JHY: variants seen among roughly 807,000 people sequenced by gnomAD.
The protein encoded by JHY is jhy protein homolog.
A neutral mutation model predicts 78.0 loss-of-function variants in JHY; 69 were observed. That is an observed-to-expected ratio of 0.88 (90% CI 0.73 to 1.08). JHY has a LOEUF of 1.08. Ranked by LOEUF, JHY falls within the 50% of genes least tolerant of loss-of-function variation. The pLI, the probability that JHY is intolerant of heterozygous loss-of-function variation, is 0.00. For missense variants in JHY, 944 were observed against 927.8 expected (o/e 1.02, Z -0.23); for synonymous variants, 368 against 342.6 (o/e 1.07, Z -0.82).
intron 3 of JHY, among the ~76,000 whole-genome samples, chr11:122,908,023 T>G (rs1471865377): frequency 6.6e-6 from 1 of 152,090 alleles, no homozygotes; most frequent in Non-Finnish European, 1.5e-5. Flanking sequence ...GGTTTCACAT[T>G]GGAATCAACT....
intron 3 of JHY, among the ~76,000 whole-genome samples, chr11:122,922,624 C>T (rs1213473573): frequency 2.0e-5 from 3 of 151,808 alleles, no homozygotes; most frequent in Admixed American, 1.3e-4. Flanking sequence ...TCCTGGCTAA[C>T]ACGGTGAAAC....
chr11:122,919,536 C>G (rs939442314), intron 3 of JHY, among the ~76,000 whole-genome samples: 1 of 152,006 alleles, frequency 6.6e-6, no homozygotes. Context: ...TAGACAGGAA[C>G]CCGAGGCCAC....
At position 122,935,327 on chromosome 11, in the gene JHY, C is replaced by T. The variant is rs1185812242; in HGVS notation, c.1634+252C>T. On this transcript the variant is annotated intron_variant, in intron 5 of 8. Transcript: ENST00000227349. The surrounding 1 kb of genome is among the most constrained non-coding windows in gnomAD (Gnocchi z 4.5). ...TTGGCTCATTGCAACCTCCGCCTCC[C>T]GAGCTCAAGCAATTCTCCTGGCCCA... Among the ~76,000 whole-genome samples the T allele has an allele frequency of 4.6e-5, 7 of 151,840 alleles. No homozygotes were observed. Among genetic ancestry groups the T allele is most frequent in the East Asian group, 1.9e-4 (1 of 5,176 alleles).
chr11:122,897,395 TTTTGC>T (rs1173299050), intron 2 of JHY, among the ~76,000 whole-genome samples: 2 of 151,758 alleles, frequency 1.3e-5, no homozygotes, highest in African/African-American at 4.8e-5. Flanking sequence ...GGCTGATTGG[TTTTGC>T]TTTGTTTTTT....
intron 8 of JHY, chr11:122,958,916 G>A: frequency 1.0e-6 from 1 of 984,918 alleles, no homozygotes; most frequent in Non-Finnish European, 1.2e-6. Flanking sequence ...ATAGAAGTTT[G>A]GTTTTACTAA....
At chr11:122,915,481 T>C (rs374315391) in intron 3 of JHY, among the ~76,000 whole-genome samples, 7 of 152,098 alleles carry the variant, frequency 4.6e-5, no homozygotes, top group African/African-American at 1.7e-4. Context: ...ACTCATTCTT[T>C]AAAATGAAAA....
rs1565319640 is a variant in JHY at position 122,917,876 on chromosome 11, A to AAAAGCAAAGTACAGAGTACTAAGGCCAT, written c.865-7021_865-7020insAAAGCAAAGTACAGAGTACTAAGGCCAT. ...TCTTAAAAATGGCCATTATTCATTT[A>AAAAGCAAAGTACAGAGTACTAAGGCCAT]GCATATATTTATTTATTTTATTTTA... On this transcript the variant is annotated intron_variant, in intron 3 of 8. Transcript: ENST00000227349. The surrounding 1 kb of genome is among the most constrained non-coding windows in gnomAD (Gnocchi z 4.1). 6.6e-6 allele frequency among the ~76,000 whole-genome samples: 1 copy of AAAAGCAAAGTACAGAGTACTAAGGCCAT among 151,778 alleles called. No homozygotes were observed. Among genetic ancestry groups the AAAAGCAAAGTACAGAGTACTAAGGCCAT allele is most frequent in the African/African-American group, 2.4e-5 (1 of 41,126 alleles).
intron 5 of JHY, among the ~76,000 whole-genome samples, chr11:122,939,143 A>G (rs951668099): frequency 2.0e-5 from 3 of 151,710 alleles, no homozygotes; most frequent in Non-Finnish European, 4.4e-5. Flanking sequence ...GCCCATCACC[A>G]CGCCTGGCTA....
chr11:122,934,691 T>C lies in JHY; in HGVS notation c.1250T>C (p.Met417Thr). ...TSTKPESIVI[M>T]HASNNDVQAS... is the part of the protein sequence containing the mutation. ...ACAAAGCCTGAATCGATTGTGATTA[T>C]GCATGCCTCTAACAATGATGTACAA... Residue 417 changes from methionine to threonine, a missense_variant, in exon 5 of 9, where the codon ATG (methionine) becomes ACG (threonine). Physicochemically the swap from Met to Thr is moderately conservative, Grantham distance 81. Coordinates refer to ENST00000227349, the MANE Select transcript of JHY (RefSeq NM_024806.4). 1 of 1,614,170 alleles carries C rather than the reference T, an allele frequency of 6.2e-7. No homozygotes were observed.
chr11:122,897,473 C>T (rs1055512801), intron 2 of JHY, among the ~76,000 whole-genome samples: 1 of 152,166 alleles, frequency 6.6e-6, no homozygotes, highest in South Asian at 2.1e-4. Flanking sequence ...CTCAAGTGAG[C>T]CCCTTGCCTG....
intron 4 of JHY, among the ~76,000 whole-genome samples, chr11:122,932,816 C>A (rs988047988): frequency 1.3e-5 from 2 of 152,160 alleles, no homozygotes; most frequent in African/African-American, 4.8e-5. Flanking sequence ...TTTCCCCATG[C>A]AGCTCAATTT....
intron 3 of JHY, among the ~76,000 whole-genome samples, chr11:122,914,676 C>T (rs751470055): frequency 6.6e-6 from 1 of 152,032 alleles, no homozygotes; most frequent in Non-Finnish European, 1.5e-5. Flanking sequence ...AACTCCTGAC[C>T]TCATGATCTG....
intron 3 of JHY, among the ~76,000 whole-genome samples, chr11:122,914,428 TG>T (rs1282150282): frequency 6.6e-6 from 1 of 151,906 alleles, no homozygotes; most frequent in Non-Finnish European, 1.5e-5. Flanking sequence ...GTTTTTGTTT[TG>T]TTTTGTTTTT....
chr11:122,924,779 A>T, intron 3 of JHY, 118 bp from the exon 4 acceptor site: 1 of 701,880 alleles, frequency 1.4e-6, no homozygotes, highest in Non-Finnish European at 2.5e-6. Context: ...CCTTGAAATT[A>T]ACTGAAAATA....
rs192650586 is a variant in JHY at position 122,932,489 on chromosome 11, A to G, written c.979-1931A>G. On this transcript the variant is annotated intron_variant, in intron 4 of 8. Transcript: ENST00000227349. ...CCCAAGAAATTTCTGAGAAGTAAGT[A>G]TTTTCTTTTTTGGTGAAAATTAAGA... is the stretch of plus-strand genomic sequence containing the variant. Among the ~76,000 whole-genome samples the G allele has an allele frequency of 3.5e-4, 54 of 152,262 alleles. No individual in the cohort carries two copies. The Middle Eastern group carries it at 0.017, about 48-fold the overall frequency.
rs1208425658 is a variant in JHY, at chr11:122,935,649, T to A, written c.1634+574T>A. Among the ~76,000 whole-genome samples, 1 of 152,132 alleles carries A rather than the reference T, an allele frequency of 6.6e-6. No individual in the cohort carries two copies. The highest frequency in any genetic ancestry group is 1.5e-5 in the Non-Finnish European group (1 of 68,028). ...GACAGAGGGACCCAGTCAAAAAACATCAGTGTGTTTGGGGGTTGCAAGTAA... is the reference window on the plus strand; with the variant it reads ...GACAGAGGGACCCAGTCAAAAAACAACAGTGTGTTTGGGGGTTGCAAGTAA... On this transcript the variant is annotated intron_variant, in intron 5 of 8. Transcript: ENST00000227349. The surrounding 1 kb of genome is among the most constrained non-coding windows in gnomAD (Gnocchi z 4.5).
At position 122,934,511 on chromosome 11, in the gene JHY, C is replaced by T; in HGVS notation, c.1070C>T (p.Pro357Leu). 1 of 1,614,014 alleles carries T rather than the reference C, an allele frequency of 6.2e-7. No individual in the cohort carries two copies. Among genetic ancestry groups the T allele is most frequent in the Non-Finnish European group, 8.5e-7 (1 of 1,179,988 alleles). ...TCTGACATGGTGAATGACCATCAAC[C>T]TTCCAGAAGACCAGCCAAGCTCAAG... ...QPSDMVNDHQ[P>L]SRRPAKLKIR... The change falls in exon 5 of 9, where the codon CCT becomes CTT. Residue 357 changes from proline (P) to leucine (L), a missense_variant. Transcript: ENST00000227349.
At chr11:122,907,057 C>T (rs1863008585) in intron 3 of JHY, among the ~76,000 whole-genome samples, 1 of 151,926 alleles carries the variant, frequency 6.6e-6, no homozygotes, top group African/African-American at 2.4e-5. Flanking sequence ...ATTCGATCAT[C>T]ACACACTGCA....
chr11:122,902,873 G>A (rs3107628), intron 2 of JHY, among the ~76,000 whole-genome samples: 4,318 of 152,226 alleles, frequency 0.028, 194 homozygotes, highest in East Asian at 0.19. Context: ...ATTACAGTTC[G>A]ACATGAGATT....
Sources: gnomAD v4.1 joint callset for allele counts (sites outside exome capture counted in the v4.1 genomes callset) on GRCh38, gnomAD v4.1.1 for gene constraint, Gnocchi (gnomAD v3.1) non-coding constraint, MANE v1.5 for transcripts, NCBI Gene and HGNC (gene_info 2026-07-23, HGNC 2026-07-21) for gene names.